Variants in SMOC2 observed in about 807,000 individuals in gnomAD.
The protein encoded by SMOC2 is SPARC-related modular calcium-binding protein 2.
Under a neutral mutation model 61.4 loss-of-function variants are expected in SMOC2, and 39 were observed. That is an observed-to-expected ratio of 0.64 (90% CI 0.49 to 0.83). The LOEUF is 0.83. SMOC2 is among the 40% of genes least tolerant of loss of function. The pLI, the probability that SMOC2 is intolerant of heterozygous loss-of-function variation, is 0.00. For synonymous variants in SMOC2, 247 were observed against 239.9 expected (o/e 1.03, Z -0.27); for missense variants, 556 against 592.9 (o/e 0.94, Z 0.65).
chr6:168,649,978 G>A (rs561553452), intron 9 of SMOC2, among the ~76,000 whole-genome samples: 5 of 152,206 alleles, frequency 3.3e-5, no homozygotes, highest in Non-Finnish European at 5.9e-5. Context: ...AGTGTCTCAG[G>A]CATGGTGTCA....
At chr6:168,599,770 A>ACC (rs1175043197) in intron 8 of SMOC2, among the ~76,000 whole-genome samples, 10 of 25,722 alleles carry the variant, frequency 3.9e-4, no homozygotes, top group African/African-American at 1.6e-3. Flanking sequence ...TCCCCCAAAC[A>ACC]CCCCCCCACA....
chr6:168,530,891 A>C (rs1308056507), intron 4 of SMOC2, among the ~76,000 whole-genome samples: 1 of 152,216 alleles, frequency 6.6e-6, no homozygotes, highest in East Asian at 1.9e-4. Context: ...CATGAGAACC[A>C]AAGCCTGGAA....
chr6:168,504,558 G>A (rs996875970), intron 1 of SMOC2, among the ~76,000 whole-genome samples: 1 of 151,970 alleles, frequency 6.6e-6, no homozygotes, highest in Non-Finnish European at 1.5e-5. Context: ...AGGGTAATAT[G>A]AGCAATGAGG....
chr6:168,445,816 C>T (rs983324040), intron 1 of SMOC2, among the ~76,000 whole-genome samples: 2 of 152,192 alleles, frequency 1.3e-5, no homozygotes, highest in South Asian at 2.1e-4. Context: ...GGAAGAATCA[C>T]TTTAATTTTG....
chr6:168,487,873 A>AT (rs924369019), intron 1 of SMOC2, among the ~76,000 whole-genome samples: 38 of 152,068 alleles, frequency 2.5e-4, no homozygotes, highest in South Asian at 1.7e-3. Flanking sequence ...CCTTTTAAGT[A>AT]TTTTTTTTGG....
chr6:168,638,091 G>A (rs1385232251), intron 9 of SMOC2, among the ~76,000 whole-genome samples: 1 of 148,350 alleles, frequency 6.7e-6, no homozygotes, highest in African/African-American at 2.5e-5. Context: ...CCCCTGCCCT[G>A]CCCAGGAAGC....
chr6:168,652,059 A>AT (rs1299006740), intron 10 of SMOC2, among the ~76,000 whole-genome samples: 3 of 144,392 alleles, frequency 2.1e-5, no homozygotes, highest in African/African-American at 4.9e-5. Flanking sequence ...AAAAAAAAAA[A>AT]TTTTAATAGA....
At chr6:168,633,371 C>T (rs1236573487) in intron 9 of SMOC2, among the ~76,000 whole-genome samples, 3 of 152,044 alleles carry the variant, frequency 2.0e-5, no homozygotes, top group Admixed American at 6.5e-5. Flanking sequence ...CCAAGATATG[C>T]GGGAGGGGAG....
At chr6:168,470,894 T>C (rs1336082209) in intron 1 of SMOC2, among the ~76,000 whole-genome samples, 1 of 152,142 alleles carries the variant, frequency 6.6e-6, no homozygotes, top group East Asian at 1.9e-4. Context: ...AAGAGAAGTA[T>C]AGATTTTCTT....
At chr6:168,539,690 A>G (rs1783833170) in intron 4 of SMOC2, among the ~76,000 whole-genome samples, 1 of 152,178 alleles carries the variant, frequency 6.6e-6, no homozygotes, top group Non-Finnish European at 1.5e-5. Context: ...CAGCATCTGG[A>G]GCAGCTTGGC....
At chr6:168,592,241 G>C (rs551672542) in intron 7 of SMOC2, among the ~76,000 whole-genome samples, 2 of 152,136 alleles carry the variant, frequency 1.3e-5, no homozygotes. Flanking sequence ...TTTTTCCTGC[G>C]CCCTTCATGC....
intron 1 of SMOC2, among the ~76,000 whole-genome samples, chr6:168,476,496 G>C (rs935507718): frequency 6.6e-6 from 1 of 151,840 alleles, no homozygotes; most frequent in East Asian, 1.9e-4. Flanking sequence ...GTGTGTGTGT[G>C]TGTCTATGTA....
chr6:168,457,005 C>T (rs187628636), intron 1 of SMOC2, among the ~76,000 whole-genome samples: 63 of 152,324 alleles, frequency 4.1e-4, no homozygotes, highest in Non-Finnish European at 7.6e-4. Context: ...TGCACACGCT[C>T]ATGTGAAACG....
At chr6:168,645,358 T>A (rs1206897576) in intron 9 of SMOC2, among the ~76,000 whole-genome samples, 1 of 152,264 alleles carries the variant, frequency 6.6e-6, no homozygotes, top group East Asian at 1.9e-4. Flanking sequence ...ATTCTTAAAA[T>A]GGGGAGGAAG....
chr6:168,453,279 G>A lies in SMOC2; in HGVS notation c.84+11825G>A, dbSNP rs138106314. Among the ~76,000 whole-genome samples, 65 of 152,340 alleles carry A rather than the reference G, an allele frequency of 4.3e-4. No individual in the cohort carries two copies. In the East Asian group the frequency reaches 0.011, roughly 25 times the overall value. Reference sequence around the variant, plus strand: ...GGGTGTGGGGCAGCCAGGGGGTGTGGTGGCCTCAAGGCTCCGTCACCCTGC... The same window carrying A: ...GGGTGTGGGGCAGCCAGGGGGTGTGATGGCCTCAAGGCTCCGTCACCCTGC... On this transcript the variant is annotated intron_variant, in intron 1 of 12. Transcript: ENST00000356284. This position sits in a 1 kb window ranked among gnomAD's most constrained non-coding sequence, Gnocchi z 4.4.
chr6:168,635,237 G>T (rs1786683353), intron 9 of SMOC2, among the ~76,000 whole-genome samples: 1 of 152,196 alleles, frequency 6.6e-6, no homozygotes, highest in Admixed American at 6.5e-5. Context: ...TAAAAGGCAG[G>T]ATAAAGGGTG....
chr6:168,605,738 G>A (rs766658251), intron 8 of SMOC2, among the ~76,000 whole-genome samples: 1 of 152,308 alleles, frequency 6.6e-6, no homozygotes, highest in South Asian at 2.1e-4. Context: ...CCCATGTGAA[G>A]GATACAGGTA....
In SMOC2 at chr6:168,592,646, G is replaced by A. The variant is rs1235251624; in HGVS notation, c.638-6172G>A. 2.7e-4 allele frequency among the ~76,000 whole-genome samples: 38 copies of A among 138,862 alleles called. No homozygotes were observed. In the Admixed American group the frequency reaches 2.8e-3, roughly 10 times the overall value. 91.1% of individuals were successfully genotyped at this position (138,862 alleles called of 152,430 possible). ...AGGCTTCACGGGCATCTTTCTAGAG[G>A]ATCGCTGAGCTCCTCCTCCTTCCTG... On this transcript the variant is annotated intron_variant, in intron 7 of 12. Transcript: ENST00000356284.
intron 11 of SMOC2, 107 bp downstream of exon 11, chr6:168,653,335 C>A: frequency 7.6e-7 from 1 of 1,313,404 alleles, no homozygotes; most frequent in Non-Finnish European, 1.0e-6. Flanking sequence ...CCTGGGAGTG[C>A]AAAAAATCAA....
Sources: gnomAD v4.1 joint callset for allele counts (sites outside exome capture counted in the v4.1 genomes callset) on GRCh38, gnomAD v4.1.1 for gene constraint, Gnocchi (gnomAD v3.1) non-coding constraint, MANE v1.5 for transcripts, NCBI Gene and HGNC (gene_info 2026-07-23, HGNC 2026-07-21) for gene names.